The following NAA15 variants were observed in gnomAD, a reference collection of about 807,000 sequenced individuals.
NAA15 encodes the protein N-alpha-acetyltransferase 15, NatA auxiliary subunit.
A neutral mutation model predicts 114.0 loss-of-function variants in NAA15; 34 were observed. The observed-to-expected ratio is 0.30, with a 90% CI of 0.23 to 0.40. NAA15 has a LOEUF of 0.40. Among genes scored for constraint, NAA15 ranks in the 10% least tolerant of loss-of-function variants. NAA15 has a pLI of 1.00. For synonymous variants in NAA15, 340 were observed against 338.0 expected (o/e 1.01, Z -0.06); for missense variants, 658 against 1,004.5 (o/e 0.66, Z 4.66).
rs1185452476 is a variant in NAA15 at position 139,357,435 on chromosome 4, C to T, written c.1137C>T (p.Tyr379=). Residue 379 remains tyrosine (Y), a synonymous_variant, in exon 11 of 20, where the codon TAC becomes TAT. Transcript: ENST00000296543. ...CCACATTACTTTGGGTCCAGTACTA[C>T]TTGGCACAACATTATGACAAAATTG... The part of the protein sequence containing the change: ...PPTTLLWVQY[Y]LAQHYDKIGQ... 2 of 1,613,916 alleles carry T rather than the reference C, an allele frequency of 1.2e-6. No homozygotes were observed. Among genetic ancestry groups the T allele is most frequent in the Non-Finnish European group, 1.7e-6 (2 of 1,179,892 alleles).
chr4:139,335,952 G>A (rs776713103), intron 2 of NAA15, among the ~76,000 whole-genome samples: 1 of 148,538 alleles, frequency 6.7e-6, no homozygotes, highest in African/African-American at 2.5e-5. Context: ...AGAGACGGGG[G>A]TTCACCATGT....
intron 1 of NAA15, among the ~76,000 whole-genome samples, chr4:139,316,301 T>A (rs1204196420): frequency 3.9e-5 from 6 of 151,934 alleles, no homozygotes; most frequent in Admixed American, 3.3e-4. Flanking sequence ...TTCTGTCTCT[T>A]CTATATGTAT....
chr4:139,344,293 C>T lies in NAA15; in HGVS notation c.645C>T (p.Thr215=). The change falls in exon 6 of 20, where the codon ACC becomes ACT. Residue 215 remains threonine (T), a synonymous_variant. Transcript: ENST00000296543. ...LYREALEHLC[T]YEKQICDKLA... Reference sequence around the variant, plus strand: ...GAGAAGCTTTGGAACATCTTTGTACCTATGAAAAGCAGATTTGTGATAAAC... The same window carrying T: ...GAGAAGCTTTGGAACATCTTTGTACTTATGAAAAGCAGATTTGTGATAAAC... 3 of 1,611,200 alleles carry T rather than the reference C, an allele frequency of 1.9e-6. No individual in the cohort carries two copies. The highest frequency in any genetic ancestry group is 1.3e-5 in the African/African-American group (1 of 74,944).
In NAA15 at chr4:139,330,579, G is replaced by T. The variant is rs74430918; in HGVS notation, c.55-3595G>T. Among the ~76,000 whole-genome samples the T allele has an allele frequency of 6.3e-3, 964 of 152,048 alleles. 8 individuals are homozygous for T. Among genetic ancestry groups the T allele is most frequent in the African/African-American group, 0.022 (916 of 41,482 alleles). On this transcript the variant is annotated intron_variant, in intron 1 of 19. Coordinates refer to ENST00000296543, the MANE Select transcript of NAA15 (RefSeq NM_057175.5). ...GAAGGAGAAGCACCAAAGATGATTG[G>T]TTTTTTTTGCATAATCGTCTGGTTG...
chr4:139,344,671 TTTC>T (rs1333988546), intron 6 of NAA15, among the ~76,000 whole-genome samples: 2 of 152,206 alleles, frequency 1.3e-5, no homozygotes, highest in Non-Finnish European at 2.9e-5. Context: ...GAGGATGACA[TTTC>T]TTAGAAACAG....
intron 1 of NAA15, among the ~76,000 whole-genome samples, chr4:139,315,976 C>G (rs1274670713): frequency 6.6e-6 from 1 of 150,784 alleles, no homozygotes; most frequent in Non-Finnish European, 1.5e-5. Context: ...ATTCCAGTTT[C>G]TTTTTTTTCT....
At chr4:139,366,537 G>A (rs1053701632) in intron 14 of NAA15, among the ~76,000 whole-genome samples, 3 of 151,764 alleles carry the variant, frequency 2.0e-5, no homozygotes, top group African/African-American at 7.3e-5. Flanking sequence ...TGAAGAATTT[G>A]TAGACATAAG....
chr4:139,363,600 G>C (rs915432901), intron 14 of NAA15, among the ~76,000 whole-genome samples: 2 of 152,094 alleles, frequency 1.3e-5, no homozygotes, highest in Admixed American at 6.5e-5. Flanking sequence ...GTGACTGTAG[G>C]AATCTATGTG....
chr4:139,307,417 C>CCA (rs1746060951), intron 1 of NAA15, among the ~76,000 whole-genome samples: 1 of 152,194 alleles, frequency 6.6e-6, no homozygotes, highest in Non-Finnish European at 1.5e-5. Flanking sequence ...TACAGGCGTG[C>CCA]CACCACGCCT....
chr4:139,350,713 A>T (rs1426652535), intron 7 of NAA15, among the ~76,000 whole-genome samples: 2 of 152,256 alleles, frequency 1.3e-5, no homozygotes, highest in African/African-American at 4.8e-5. Flanking sequence ...AGTAGAGATG[A>T]TGGAGGAATC....
At chr4:139,363,023 C>G (rs1215057061) in intron 14 of NAA15, among the ~76,000 whole-genome samples, 1 of 152,066 alleles carries the variant, frequency 6.6e-6, no homozygotes, top group Non-Finnish European at 1.5e-5. Context: ...TGCCTAAGGA[C>G]AGTTTAGAAA....
rs114578704 is a variant in NAA15 at position 139,383,418 on chromosome 4, A to C, written c.2156-1414A>C. On this transcript the variant is annotated intron_variant, in intron 17 of 19. Transcript: ENST00000296543. ...GTATAACTTGGATTCAATCCAGAGG[A>C]ATCATCTCTAAATCCCAAGGCCTGG... Among the ~76,000 whole-genome samples, 954 of 152,314 alleles carry C rather than the reference A, an allele frequency of 6.3e-3. 8 individuals are homozygous for C. The highest frequency in any genetic ancestry group is 0.022 in the African/African-American group (919 of 41,566).
At chr4:139,308,658 G>A (rs1746108191) in intron 1 of NAA15, among the ~76,000 whole-genome samples, 1 of 152,144 alleles carries the variant, frequency 6.6e-6, no homozygotes, top group African/African-American at 2.4e-5. Flanking sequence ...GAGTACAGTG[G>A]CGTGATCTCA....
chr4:139,332,980 GAT>G (rs1210577553), intron 1 of NAA15, among the ~76,000 whole-genome samples: 4 of 152,082 alleles, frequency 2.6e-5, no homozygotes, highest in Non-Finnish European at 4.4e-5. Flanking sequence ...TCAAGTCCTT[GAT>G]ATACAATGGC....
chr4:139,311,977 A>T (rs1484654605), intron 1 of NAA15, among the ~76,000 whole-genome samples: 2 of 151,704 alleles, frequency 1.3e-5, no homozygotes, highest in African/African-American at 4.9e-5. Flanking sequence ...TTAAAAAAAA[A>T]ATTTGAGGGA....
At chr4:139,368,409 C>G (rs1254742824) in intron 14 of NAA15, among the ~76,000 whole-genome samples, 1 of 152,096 alleles carries the variant, frequency 6.6e-6, no homozygotes, top group Non-Finnish European at 1.5e-5. Context: ...GACCCTGTCT[C>G]TATTTATATT....
intron 6 of NAA15, among the ~76,000 whole-genome samples, chr4:139,348,077 T>C (rs1747654941): frequency 6.6e-6 from 1 of 151,334 alleles, no homozygotes; most frequent in African/African-American, 2.4e-5. Flanking sequence ...TTAAGTCCTC[T>C]CAGTTTTAAA....
rs918713543 is a variant in NAA15 at position 139,386,329 on chromosome 4, A to G, written c.2400+99A>G. Reference sequence around the variant, plus strand: ...TATACACACTGTTTTTTAAATCATTATGAATCTGGGTCAGAAACAACTTAT... The same window carrying G: ...TATACACACTGTTTTTTAAATCATTGTGAATCTGGGTCAGAAACAACTTAT... On this transcript the variant is annotated intron_variant, in intron 19 of 19. Coordinates refer to ENST00000296543, the MANE Select transcript of NAA15 (RefSeq NM_057175.5). The G allele has an allele frequency of 7.5e-5, 44 of 589,210 alleles. 1 individual carries two copies. The Admixed American group carries it at 1.3e-3, about 17-fold the overall frequency. 36.5% of individuals were successfully genotyped at this position (589,210 alleles called of 1,614,324 possible). A position where few individuals can be genotyped will look rare whatever the true frequency, so the allele number is the denominator to read the frequency against.
chr4:139,330,632 T>G (rs1326518218), intron 1 of NAA15, among the ~76,000 whole-genome samples: 1 of 152,182 alleles, frequency 6.6e-6, no homozygotes, highest in Non-Finnish European at 1.5e-5. Context: ...CAACTCTATC[T>G]TCAGGATGGT....
Sources: gnomAD v4.1 joint callset for allele counts (sites outside exome capture counted in the v4.1 genomes callset) on GRCh38, gnomAD v4.1.1 for gene constraint, MANE v1.5 for transcripts, NCBI Gene and HGNC (gene_info 2026-07-23, HGNC 2026-07-21) for gene names.